The following MYO1D variants were observed in gnomAD, a reference collection of about 807,000 sequenced individuals.
MYO1D encodes the protein unconventional myosin-Id.
Under a neutral mutation model 122.0 loss-of-function variants are expected in MYO1D, and 83 were observed. That is an observed-to-expected ratio of 0.68 (90% CI 0.57 to 0.82). The LOEUF (loss-of-function observed/expected upper bound fraction) is 0.82, where lower values mean the gene tolerates loss of function less well. Among genes scored for constraint, MYO1D ranks in the 40% least tolerant of loss-of-function variants. The pLI is 0.00. For synonymous variants in MYO1D, 464 were observed against 446.9 expected (o/e 1.04, Z -0.48); for missense variants, 1,157 against 1,269.5 (o/e 0.91, Z 1.35).
intron 21 of MYO1D, among the ~76,000 whole-genome samples, chr17:32,589,749 C>G (rs1317943585): frequency 6.6e-6 from 1 of 152,158 alleles, no homozygotes; most frequent in African/African-American, 2.4e-5. Flanking sequence ...CTAGGTCCTT[C>G]TCATTCTAGG....
Position 32,533,769 on chromosome 17 carries a change from A to G in MYO1D, c.2865-38854T>C, listed in dbSNP as rs182101933. ...TCCTGGCTTTCATACTTGCTCTTCC[A>G]TTGGATAACACACACTTTCTTCTTT... On this transcript the variant is annotated intron_variant, in intron 21 of 21. Transcript: ENST00000318217. Among the ~76,000 whole-genome samples the G allele has an allele frequency of 2.7e-3, 407 of 152,218 alleles. 5 individuals are homozygous for G. The highest frequency in any genetic ancestry group is 9.4e-3 in the African/African-American group (391 of 41,530).
intron 2 of MYO1D, among the ~76,000 whole-genome samples, chr17:32,779,327 G>A (rs2090212106): frequency 6.6e-6 from 1 of 151,884 alleles, no homozygotes; most frequent in South Asian, 2.1e-4. Context: ...TCCATCAGTA[G>A]ATAACTGGAT....
chr17:32,623,452 T>C (rs1597944676), intron 20 of MYO1D, among the ~76,000 whole-genome samples: 1 of 151,480 alleles, frequency 6.6e-6, no homozygotes, highest in Non-Finnish European at 1.5e-5. Flanking sequence ...GGATGGGGGG[T>C]CGTTGCTAAG....
chr17:32,553,897 A>T (rs1405892322), intron 21 of MYO1D, among the ~76,000 whole-genome samples: 2 of 152,156 alleles, frequency 1.3e-5, no homozygotes, highest in Non-Finnish European at 2.9e-5. Context: ...CACTGCTTAG[A>T]TATTTCCACC....
chr17:32,627,568 A>T (rs1238998295), intron 20 of MYO1D, among the ~76,000 whole-genome samples: 3 of 152,178 alleles, frequency 2.0e-5, no homozygotes, highest in African/African-American at 7.2e-5. Context: ...TTTACAAAAC[A>T]GTCACATCGG....
intron 17 of MYO1D, among the ~76,000 whole-genome samples, chr17:32,655,442 A>G (rs2088462714): frequency 6.6e-6 from 1 of 152,198 alleles, no homozygotes; most frequent in Admixed American, 6.5e-5. Context: ...GAAGGAATGC[A>G]GAGTGGGTGT....
intron 3 of MYO1D, among the ~76,000 whole-genome samples, chr17:32,777,752 T>C (rs753807023): frequency 2.0e-5 from 3 of 151,732 alleles, no homozygotes; most frequent in African/African-American, 4.8e-5. Flanking sequence ...GAGACCACAG[T>C]GAAACCCCGT....
chr17:32,738,125 A>C, intron 14 of MYO1D, 128 bp downstream of exon 14: 1 of 765,934 alleles, frequency 1.3e-6, no homozygotes. Flanking sequence ...TTCTATTATA[A>C]CATTCACTTT....
intron 21 of MYO1D, among the ~76,000 whole-genome samples, chr17:32,596,711 TAAG>T (rs1281626206): frequency 2.0e-5 from 3 of 151,948 alleles, no homozygotes; most frequent in Non-Finnish European, 4.4e-5. Context: ...ACAGGAAAAA[TAAG>T]AAATTTTAAT....
intron 16 of MYO1D, among the ~76,000 whole-genome samples, chr17:32,689,617 G>A (rs1014742935): frequency 3.9e-5 from 6 of 152,082 alleles, no homozygotes; most frequent in Non-Finnish European, 7.3e-5. Context: ...AAGAGGAATC[G>A]CATTGAATAT....
chr17:32,830,830 C>G (rs553039334), intron 1 of MYO1D, among the ~76,000 whole-genome samples: 5 of 152,112 alleles, frequency 3.3e-5, no homozygotes, highest in Admixed American at 6.5e-5. Flanking sequence ...GAGATCGAGG[C>G]GGGCAGATCA....
In MYO1D at chr17:32,547,562, G is replaced by T. The variant is rs111261296; in HGVS notation, c.2865-52647C>A. Among the ~76,000 whole-genome samples the T allele has an allele frequency of 3.0e-3, 455 of 152,366 alleles. 2 individuals carry two copies. Among genetic ancestry groups the T allele is most frequent in the African/African-American group, 9.2e-3 (384 of 41,592 alleles). On this transcript the variant is annotated intron_variant, in intron 21 of 21. Transcript: ENST00000318217. ...ACAGAAGCTCAGATTAGGAAAGGTT[G>T]TTCATAATTGTCTTGTCCAACCAAC... is the stretch of plus-strand genomic sequence containing the variant.
intron 16 of MYO1D, among the ~76,000 whole-genome samples, chr17:32,706,882 GAGA>G (rs1347842362): frequency 2.6e-5 from 4 of 152,024 alleles, no homozygotes; most frequent in African/African-American, 9.7e-5. Context: ...ATTTTTAGTA[GAGA>G]CGGGGTTTCA....
chr17:32,595,964 G>C (rs971914223), intron 21 of MYO1D, among the ~76,000 whole-genome samples: 2 of 152,102 alleles, frequency 1.3e-5, no homozygotes, highest in Non-Finnish European at 2.9e-5. Context: ...GCCCCTCTTG[G>C]CAGGTCCAGG....
chr17:32,685,772 G>A (rs937726326), intron 16 of MYO1D, among the ~76,000 whole-genome samples: 8 of 152,168 alleles, frequency 5.3e-5, no homozygotes, highest in Non-Finnish European at 8.8e-5. Context: ...AAATAAGTAC[G>A]TTGCTAACTT....
chr17:32,759,496 A>G (rs1291145477), intron 10 of MYO1D, among the ~76,000 whole-genome samples: 1 of 152,190 alleles, frequency 6.6e-6, no homozygotes, highest in Non-Finnish European at 1.5e-5. Context: ...AAGAGGATGA[A>G]CAATCATATA....
chr17:32,875,579 TG>T (rs1297751684), intron 1 of MYO1D, among the ~76,000 whole-genome samples: 1 of 152,184 alleles, frequency 6.6e-6, no homozygotes, highest in Non-Finnish European at 1.5e-5. Flanking sequence ...TTATAGCTGA[TG>T]TAGAGGTATA....
chr17:32,494,619 G>A lies in MYO1D; in HGVS notation c.*140C>T. 4 of 1,025,940 alleles carry A rather than the reference G, an allele frequency of 3.9e-6. No homozygotes were observed. The highest frequency in any genetic ancestry group is 5.5e-6 in the Non-Finnish European group (4 of 725,760). The allele number at this position is 1,025,940 out of a possible 1,614,324, so 63.6% of individuals were successfully genotyped here. A position where few individuals can be genotyped will look rare whatever the true frequency, so the allele number is the denominator to read the frequency against. On this transcript the variant is annotated 3_prime_UTR_variant, in exon 22 of 22. Transcript: ENST00000318217. Reference sequence around the variant, plus strand: ...GATACCAAAGGCAGAAAACCAGGAAGGAAATCTTACAGGGGCGGGGCTCCT... The same window carrying A: ...GATACCAAAGGCAGAAAACCAGGAAAGAAATCTTACAGGGGCGGGGCTCCT...
Position 32,524,812 on chromosome 17 carries a change from T to G in MYO1D, c.2865-29897A>C, listed in dbSNP as rs573146705. 3.9e-4 allele frequency among the ~76,000 whole-genome samples: 59 copies of G among 152,272 alleles called. 1 individual carries two copies. The South Asian group carries it at 0.012, about 32-fold the overall frequency. On this transcript the variant is annotated intron_variant, in intron 21 of 21. Transcript: ENST00000318217. ...TCCTGACCTTGTGATTCACCCACCT[T>G]GGCCTCCCAAAGTGCTGGGATTACA...
Sources: gnomAD v4.1 joint callset for allele counts (sites outside exome capture counted in the v4.1 genomes callset) on GRCh38, gnomAD v4.1.1 for gene constraint, MANE v1.5 for transcripts, NCBI Gene and HGNC (gene_info 2026-07-23, HGNC 2026-07-21) for gene names.